FSD1L: variants seen among roughly 807,000 people sequenced by gnomAD.
FSD1L encodes fibronectin type III and SPRY domain containing 1 like.
A neutral mutation model predicts 71.6 loss-of-function variants in FSD1L; 45 were observed. The observed-to-expected ratio is 0.63, with a 90% confidence interval of 0.49 to 0.81. The LOEUF (loss-of-function observed/expected upper bound fraction) is 0.81, where lower values mean the gene tolerates loss of function less well. Among genes scored for constraint, FSD1L ranks in the 30% least tolerant of loss-of-function variants. The pLI, the probability that FSD1L is intolerant of heterozygous loss-of-function variation, is 0.00. For missense variants in FSD1L, 561 were observed against 618.1 expected (o/e 0.91, Z 0.98); for synonymous variants, 197 against 207.2 (o/e 0.95, Z 0.42).
rs558441429 is a variant in FSD1L, at chr9:105,497,749, G to A, written c.587-8650G>A. 1.1e-4 allele frequency among the ~76,000 whole-genome samples: 17 copies of A among 152,156 alleles called. No homozygotes were observed. The East Asian group carries it at 3.3e-3, about 29-fold the overall frequency. Reference sequence around the variant, plus strand: ...AGTTATTTGATACTAGTTATTTATTGATTCCATTGATCTGTCAAAGAACCA... The same window carrying A: ...AGTTATTTGATACTAGTTATTTATTAATTCCATTGATCTGTCAAAGAACCA... On this transcript the variant is annotated intron_variant, in intron 7 of 13. Coordinates refer to ENST00000481272, the MANE Select transcript of FSD1L (RefSeq NM_001145313.3).
chr9:105,539,957 G>A (rs545589071), intron 13 of FSD1L, among the ~76,000 whole-genome samples: 8 of 151,898 alleles, frequency 5.3e-5, no homozygotes, highest in Non-Finnish European at 8.8e-5. Flanking sequence ...GAATACTTTT[G>A]TTCATATCTT....
intron 10 of FSD1L, among the ~76,000 whole-genome samples, chr9:105,519,539 A>G (rs1301555460): frequency 6.6e-6 from 1 of 152,222 alleles, no homozygotes; most frequent in Non-Finnish European, 1.5e-5. Context: ...AACAGATCCA[A>G]TGACAAAAAC....
intron 12 of FSD1L, among the ~76,000 whole-genome samples, chr9:105,536,020 A>C (rs1041710554): frequency 6.6e-6 from 1 of 152,194 alleles, no homozygotes; most frequent in Non-Finnish European, 1.5e-5. Flanking sequence ...CTTTACTTAC[A>C]AAATTATTAA....
At chr9:105,524,198 G>T in intron 10 of FSD1L, 1 of 1,612,170 alleles carries the variant, frequency 6.2e-7, no homozygotes, top group Non-Finnish European at 8.5e-7. Flanking sequence ...CTCAAATTAA[G>T]GAAGCTCTGA....
chr9:105,488,336 A>G (rs964440989), intron 7 of FSD1L, among the ~76,000 whole-genome samples: 1 of 152,112 alleles, frequency 6.6e-6, no homozygotes, highest in East Asian at 1.9e-4. Flanking sequence ...AGTTTCCTCC[A>G]TGTATATTGA....
At chr9:105,509,806 A>C (rs866816683) in intron 9 of FSD1L, among the ~76,000 whole-genome samples, 1 of 152,210 alleles carries the variant, frequency 6.6e-6, no homozygotes, top group African/African-American at 2.4e-5. Flanking sequence ...GAATGCAGTT[A>C]ACTCTGTATT....
chr9:105,455,849 T>C (rs1295578230), intron 1 of FSD1L, among the ~76,000 whole-genome samples: 1 of 152,270 alleles, frequency 6.6e-6, no homozygotes, highest in Non-Finnish European at 1.5e-5. Context: ...CTAAATTGGC[T>C]ATAATAATAG....
intron 5 of FSD1L, among the ~76,000 whole-genome samples, chr9:105,475,090 T>C (rs958378789): frequency 2.0e-5 from 3 of 152,192 alleles, no homozygotes; most frequent in Admixed American, 6.5e-5. Context: ...TGCAGAACAC[T>C]GCTTGGATCC....
At chr9:105,490,579 C>G (rs1832860887) in intron 7 of FSD1L, among the ~76,000 whole-genome samples, 1 of 146,380 alleles carries the variant, frequency 6.8e-6, no homozygotes, top group South Asian at 2.2e-4. Context: ...AAGTCCTTGC[C>G]CATGCCTATG....
At chr9:105,483,983 A>G (rs962246588) in intron 6 of FSD1L, among the ~76,000 whole-genome samples, 2 of 152,210 alleles carry the variant, frequency 1.3e-5, no homozygotes, top group Non-Finnish European at 2.9e-5. Flanking sequence ...TCAAATGAAT[A>G]TAAATGAATT....
rs188467151 is a variant in FSD1L, at chr9:105,511,180, A to G, written c.896-1627A>G. Among the ~76,000 whole-genome samples, 59 of 150,146 alleles carry G rather than the reference A, an allele frequency of 3.9e-4. 1 individual carries two copies. Among genetic ancestry groups the G allele is most frequent in the Admixed American group, 3.5e-3 (53 of 15,064 alleles). The stretch of plus-strand genomic sequence containing the variant: ...TAAGTATGGTCTTAAGTGGTTTTCA[A>G]TGGTACTATCTATTTTTTTTTTTTG... On this transcript the variant is annotated intron_variant, in intron 9 of 13. Transcript: ENST00000481272.
intron 6 of FSD1L, among the ~76,000 whole-genome samples, chr9:105,482,493 A>G (rs946843756): frequency 1.3e-5 from 2 of 152,238 alleles, no homozygotes; most frequent in African/African-American, 4.8e-5. Flanking sequence ...TTGTGCTGGT[A>G]GAAATGAACT....
intron 10 of FSD1L, among the ~76,000 whole-genome samples, chr9:105,514,543 T>C (rs967066996): frequency 3.9e-5 from 6 of 152,194 alleles, no homozygotes; most frequent in Non-Finnish European, 5.9e-5. Context: ...TAATGCAAGG[T>C]AGACATATGT....
At chr9:105,528,004 G>A (rs1835633377) in intron 10 of FSD1L, among the ~76,000 whole-genome samples, 1 of 152,096 alleles carries the variant, frequency 6.6e-6, no homozygotes, top group Admixed American at 6.6e-5. Context: ...CCCAATGACA[G>A]GCAAACAGAG....
intron 5 of FSD1L, among the ~76,000 whole-genome samples, chr9:105,478,504 A>G (rs1457986895): frequency 6.6e-6 from 1 of 152,168 alleles, no homozygotes; most frequent in African/African-American, 2.4e-5. Flanking sequence ...TATGTCTGAT[A>G]TATTGTTAAC....
chr9:105,445,144 C>T (rs1160077265), upstream of FSD1L, among the ~76,000 whole-genome samples: 4 of 152,182 alleles, frequency 2.6e-5, no homozygotes, highest in African/African-American at 9.7e-5. Flanking sequence ...TAGAGCCCAG[C>T]TCGGTACGTG....
chr9:105,454,646 C>T (rs1234597058), intron 1 of FSD1L, among the ~76,000 whole-genome samples: 1 of 152,188 alleles, frequency 6.6e-6, no homozygotes, highest in Non-Finnish European at 1.5e-5. Context: ...CTTGACTTTA[C>T]TGGGTAAAAC....
chr9:105,538,621 A>G (rs997674585), intron 12 of FSD1L, among the ~76,000 whole-genome samples: 1 of 152,160 alleles, frequency 6.6e-6, no homozygotes, highest in African/African-American at 2.4e-5. Context: ...ATTGAAGGAT[A>G]TACTGTGAGG....
In FSD1L at chr9:105,448,227, T is replaced by A; in HGVS notation, c.7T>A (p.Ser3Thr). ...GTGGGCTTAGCCACTCGCCATGGAC[T>A]CCCAGAAAGTAAGCGGGGGAGGGGA... The part of the protein sequence containing the change: MD[S>T]QKYCFKENEN... Residue 3 changes from serine to threonine, a missense_variant, in exon 1 of 14, where the codon TCC becomes ACC. Ser to Thr is a moderately conservative substitution (Grantham distance 58, BLOSUM62 1). Transcript: ENST00000481272. 2.7e-6 allele frequency: 4 copies of A among 1,481,078 alleles called. No homozygotes were observed. Among genetic ancestry groups the A allele is most frequent in the Non-Finnish European group, 3.6e-6 (4 of 1,108,226 alleles). 91.7% of individuals were successfully genotyped at this position (1,481,078 alleles called of 1,614,324 possible). A position where few individuals can be genotyped will look rare whatever the true frequency, so the allele number is the denominator to read the frequency against.
Sources: allele counts gnomAD v4.1 joint callset (sites outside exome capture counted in the v4.1 genomes callset), GRCh38; gene constraint gnomAD v4.1.1; transcripts MANE v1.5; gene names NCBI Gene and HGNC (gene_info 2026-07-23, HGNC 2026-07-21).